MIPEP: variants seen among roughly 807,000 people sequenced by gnomAD.
MIPEP encodes mitochondrial intermediate peptidase.
MIPEP carries 79 observed loss-of-function variants against 90.3 expected under a neutral mutation model. That is an observed-to-expected ratio of 0.87 (90% CI 0.73 to 1.05). MIPEP has a LOEUF of 1.05. MIPEP is among the 50% of genes least tolerant of loss of function. The probability of loss-of-function intolerance (pLI) is 0.00; values close to 1 mark genes in which losing one functional copy is unlikely to be tolerated. For missense variants in MIPEP, 940 were observed against 905.6 expected (o/e 1.04, Z -0.49); for synonymous variants, 334 against 315.8 (o/e 1.06, Z -0.61).
intron 16 of MIPEP, among the ~76,000 whole-genome samples, chr13:23,792,917 C>A (rs1158366758): frequency 3.9e-5 from 6 of 152,182 alleles, no homozygotes; most frequent in Non-Finnish European, 8.8e-5. Flanking sequence ...GATCATTCTC[C>A]ATGCTCCAGA....
At chr13:23,877,651 C>A (rs1302862066) in intron 4 of MIPEP, among the ~76,000 whole-genome samples, 1 of 152,212 alleles carries the variant, frequency 6.6e-6, no homozygotes, top group Non-Finnish European at 1.5e-5. Context: ...ATTTCAAGGA[C>A]TGAATCTAAG....
intron 16 of MIPEP, among the ~76,000 whole-genome samples, chr13:23,775,961 G>T (rs1427024776): frequency 1.3e-5 from 2 of 152,200 alleles, no homozygotes. Flanking sequence ...TTATCAAAAT[G>T]ATGTAGATCA....
chr13:23,801,804 T>C (rs559566188), intron 16 of MIPEP, among the ~76,000 whole-genome samples: 28 of 152,332 alleles, frequency 1.8e-4, no homozygotes, highest in African/African-American at 4.8e-4. Context: ...TATGAACAAA[T>C]TGTTTATCCA....
chr13:23,881,599 T>C (rs2312299), intron 3 of MIPEP, 100 bp downstream of exon 3: 19 of 997,188 alleles, frequency 1.9e-5, no homozygotes, highest in Admixed American at 3.9e-5. Flanking sequence ...CCCTGCTGGG[T>C]GAGGGACAAG....
At chr13:23,863,599 TC>T (rs1172539057) in intron 8 of MIPEP, among the ~76,000 whole-genome samples, 1 of 151,806 alleles carries the variant, frequency 6.6e-6, no homozygotes, top group Non-Finnish European at 1.5e-5. Context: ...TATTCCAAAT[TC>T]CCCCCAAAAA....
intron 16 of MIPEP, among the ~76,000 whole-genome samples, chr13:23,763,941 C>T (rs1952570949): frequency 6.6e-6 from 1 of 152,188 alleles, no homozygotes; most frequent in African/African-American, 2.4e-5. Context: ...GCTAATTCAA[C>T]CTAATATTAA....
chr13:23,887,498 T>C (rs1245091217), intron 1 of MIPEP, among the ~76,000 whole-genome samples: 2 of 152,200 alleles, frequency 1.3e-5, no homozygotes, highest in African/African-American at 4.8e-5. Context: ...GAACCCGCTC[T>C]GTACATCTGT....
chr13:23,775,519 T>G (rs1220182088), intron 16 of MIPEP, among the ~76,000 whole-genome samples: 1 of 152,200 alleles, frequency 6.6e-6, no homozygotes, highest in Non-Finnish European at 1.5e-5. Flanking sequence ...CCTTCCATAC[T>G]CATCCTCAAT....
intron 18 of MIPEP, among the ~76,000 whole-genome samples, chr13:23,737,438 C>A (rs531294052): frequency 1.3e-5 from 2 of 152,204 alleles, no homozygotes; most frequent in East Asian, 3.9e-4. Flanking sequence ...TGGGTGGTCT[C>A]CAAGTGCCTG....
chr13:23,847,954 C>A (rs1292561625), intron 10 of MIPEP, among the ~76,000 whole-genome samples: 2 of 152,142 alleles, frequency 1.3e-5, no homozygotes, highest in African/African-American at 4.8e-5. Context: ...ACAGGTGGAG[C>A]AAGAATTATT....
At chr13:23,739,511 C>T (rs1952303132) in intron 18 of MIPEP, among the ~76,000 whole-genome samples, 1 of 152,188 alleles carries the variant, frequency 6.6e-6, no homozygotes, top group Admixed American at 6.5e-5. Flanking sequence ...TAGAACCCAA[C>T]CTCAGTCAGG....
intron 4 of MIPEP, among the ~76,000 whole-genome samples, chr13:23,878,857 T>C (rs893143620): frequency 6.6e-6 from 1 of 152,200 alleles, no homozygotes; most frequent in Non-Finnish European, 1.5e-5. Flanking sequence ...CTAAGTGTAA[T>C]TATTAACTGT....
intron 18 of MIPEP, among the ~76,000 whole-genome samples, chr13:23,738,914 C>T (rs73453365): frequency 0.024 from 3,696 of 152,284 alleles, 173 homozygotes; most frequent in African/African-American, 0.085. Context: ...TTTTAATAAG[C>T]CTTCCCAGTG....
intron 16 of MIPEP, among the ~76,000 whole-genome samples, chr13:23,771,627 A>C (rs1593144594): frequency 6.6e-6 from 1 of 151,966 alleles, no homozygotes; most frequent in East Asian, 1.9e-4. Context: ...AGCTTCTCAT[A>C]AGCTTAGGCC....
intron 14 of MIPEP, among the ~76,000 whole-genome samples, chr13:23,834,759 G>T (rs1868949703): frequency 6.6e-6 from 1 of 152,118 alleles, no homozygotes. Context: ...TGTGCACAGG[G>T]CTCTAAGCAC....
chr13:23,796,065 ATG>A (rs1240865378), intron 16 of MIPEP, among the ~76,000 whole-genome samples: 1 of 152,066 alleles, frequency 6.6e-6, no homozygotes, highest in African/African-American at 2.4e-5. Flanking sequence ...TTATATATAT[ATG>A]TGTGTGTGTA....
intron 14 of MIPEP, among the ~76,000 whole-genome samples, chr13:23,811,564 G>A (rs1323426775): frequency 6.6e-6 from 1 of 152,156 alleles, no homozygotes; most frequent in Admixed American, 6.5e-5. Context: ...ACAATCACCT[G>A]CCACTGCTAA....
At chr13:23,777,823 AAACT>A (rs1302114392) in intron 16 of MIPEP, among the ~76,000 whole-genome samples, 5 of 152,170 alleles carry the variant, frequency 3.3e-5, no homozygotes, top group African/African-American at 1.2e-4. Context: ...GTGCTTCTCT[AAACT>A]AACTGTGGCA....
At chr13:23,840,532 ATC>A (rs773083665) in intron 11 of MIPEP, among the ~76,000 whole-genome samples, 1 of 152,116 alleles carries the variant, frequency 6.6e-6, no homozygotes, top group Non-Finnish European at 1.5e-5. Flanking sequence ...CATTTTATCA[ATC>A]TCTATCTTTT....
Sources: allele counts gnomAD v4.1 joint callset (sites outside exome capture counted in the v4.1 genomes callset), GRCh38; gene constraint gnomAD v4.1.1; transcripts MANE v1.5; gene names NCBI Gene and HGNC (gene_info 2026-07-23, HGNC 2026-07-21).